EBF1: variants seen among roughly 807,000 people sequenced by gnomAD.
EBF1 encodes EBF transcription factor 1.
A neutral mutation model predicts 68.4 loss-of-function variants in EBF1; 10 were observed. The observed-to-expected ratio is 0.15, with a 90% CI of 0.09 to 0.25. EBF1 has a LOEUF of 0.25. EBF1 is among the 10% of genes least tolerant of loss of function. The pLI, the probability that EBF1 is intolerant of heterozygous loss-of-function variation, is 1.00. For missense variants in EBF1, 509 were observed against 794.4 expected (o/e 0.64, Z 4.32); for synonymous variants, 298 against 299.8 (o/e 0.99, Z 0.06).
chr5:158,767,472 G>T lies in EBF1; in HGVS notation c.1036+9941C>A, dbSNP rs951148913. ...AGTAGCATGCCAGGAGGCTTACTCA[G>T]TGCAGGCTCTGGTACCCTTCACCAG... On this transcript the variant is annotated intron_variant, in intron 10 of 15. Transcript: ENST00000313708. Among the ~76,000 whole-genome samples the T allele has an allele frequency of 2.6e-5, 4 of 152,136 alleles. No individual in the cohort carries two copies. In the East Asian group the frequency reaches 7.7e-4, roughly 29 times the overall value.
At chr5:159,097,873 C>G (rs1429979705) in intron 1 of EBF1, among the ~76,000 whole-genome samples, 2 of 152,230 alleles carry the variant, frequency 1.3e-5, no homozygotes, top group Non-Finnish European at 2.9e-5. Flanking sequence ...GAGGCTGGAG[C>G]GCCTGGGGCG....
Position 159,099,364 on chromosome 5 carries a change from C to G in EBF1, c.115G>C (p.Ala39Pro), listed in dbSNP as rs756741736. Residue 39 changes from alanine (A) to proline (P), a missense_variant, in exon 1 of 16, where the codon GCC becomes CCC. Ala to Pro is a conservative substitution (Grantham distance 27). This residue lies in a region of EBF1 where 74 missense variants were observed against 79.4 expected (regional missense o/e 0.93). Transcript: ENST00000313708. ...TWMQGAGVLDANTAAQSGVGL... is the reference protein window; with the variant it reads ...TWMQGAGVLDPNTAAQSGVGL... ...ACCCACCTCTGCGCCGCCGTGTTGG[C>G]GTCCAGCACCCCGGCGCCCTGCATC... 9 of 1,590,618 alleles carry G rather than the reference C, an allele frequency of 5.7e-6. No homozygotes were observed. Among genetic ancestry groups the G allele is most frequent in the Non-Finnish European group, 7.7e-6 (9 of 1,169,714 alleles).
At position 158,883,359 on chromosome 5, in the gene EBF1, T is replaced by TACAC. The variant is rs1185195484; in HGVS notation, c.555-43250_555-43249insGTGT. 4.8e-3 allele frequency among the ~76,000 whole-genome samples: 686 copies of TACAC among 142,982 alleles called. 5 individuals are homozygous for TACAC. Among genetic ancestry groups the TACAC allele is most frequent in the Middle Eastern group, 0.014 (4 of 288 alleles). 93.8% of individuals were successfully genotyped at this position (142,982 alleles called of 152,430 possible). On this transcript the variant is annotated intron_variant, in intron 6 of 15. Coordinates refer to ENST00000313708, the MANE Select transcript of EBF1 (RefSeq NM_024007.5). ...ACACATACATGCATGTATATATATA[T>TACAC]ATACACATACATACATGTATATATA... is the stretch of plus-strand genomic sequence containing the variant.
At chr5:158,933,940 C>T (rs1271272813) in intron 6 of EBF1, among the ~76,000 whole-genome samples, 2 of 152,228 alleles carry the variant, frequency 1.3e-5, no homozygotes, top group Non-Finnish European at 2.9e-5. Context: ...GCGTTGATGT[C>T]ACAATGCTTT....
At chr5:159,024,931 C>G (rs116796360) in intron 6 of EBF1, among the ~76,000 whole-genome samples, 1 of 152,180 alleles carries the variant, frequency 6.6e-6, no homozygotes, top group East Asian at 1.9e-4. Flanking sequence ...AACATAGGTG[C>G]GCAGAGCCAC....
intron 10 of EBF1, among the ~76,000 whole-genome samples, chr5:158,755,183 T>TC (rs56762787): frequency 0.14 from 21,937 of 152,044 alleles, 1,695 homozygotes; most frequent in Admixed American, 0.17. Flanking sequence ...TGTTTTTTTT[T>TC]CACATATAAA....
At chr5:159,072,491 G>A (rs897521253) in intron 6 of EBF1, among the ~76,000 whole-genome samples, 1 of 151,962 alleles carries the variant, frequency 6.6e-6, no homozygotes, top group East Asian at 1.9e-4. Flanking sequence ...TTCAACCATT[G>A]GTTTCCTCAA....
intron 6 of EBF1, among the ~76,000 whole-genome samples, chr5:159,059,762 G>A (rs914754401): frequency 1.3e-5 from 2 of 152,074 alleles, no homozygotes; most frequent in African/African-American, 4.8e-5. Context: ...TAACAAGGGG[G>A]GACCAGGCTG....
chr5:158,842,541 A>G (rs911470636), intron 6 of EBF1, among the ~76,000 whole-genome samples: 1 of 152,236 alleles, frequency 6.6e-6, no homozygotes, highest in Non-Finnish European at 1.5e-5. Context: ...TCTGACAGGT[A>G]CTACCTGTGT....
chr5:159,017,663 G>GT (rs1163560100), intron 6 of EBF1, among the ~76,000 whole-genome samples: 1 of 152,166 alleles, frequency 6.6e-6, no homozygotes, highest in African/African-American at 2.4e-5. Context: ...TTTCCTACCA[G>GT]TTACCATTTA....
At chr5:158,804,453 A>G (rs931390607) in intron 8 of EBF1, among the ~76,000 whole-genome samples, 3 of 152,138 alleles carry the variant, frequency 2.0e-5, no homozygotes, top group Non-Finnish European at 2.9e-5. Context: ...TGGTGCAACA[A>G]CTGTAATCCA....
intron 10 of EBF1, among the ~76,000 whole-genome samples, chr5:158,768,190 G>A (rs1044887176): frequency 6.6e-6 from 1 of 152,038 alleles, no homozygotes; most frequent in Non-Finnish European, 1.5e-5. Flanking sequence ...TATTGACCCT[G>A]TGCTGTGGGT....
chr5:158,923,698 C>T (rs62385381), intron 6 of EBF1, among the ~76,000 whole-genome samples: 3,312 of 152,216 alleles, frequency 0.022, 60 homozygotes, highest in Non-Finnish European at 0.03. Context: ...CTGGACAAGC[C>T]ACGCCTCTTC....
intron 8 of EBF1, among the ~76,000 whole-genome samples, chr5:158,814,404 G>A (rs773705754): frequency 2.0e-5 from 3 of 152,002 alleles, no homozygotes; most frequent in African/African-American, 7.2e-5. Context: ...TAAGTAGAAA[G>A]CAACAATCTT....
intron 6 of EBF1, among the ~76,000 whole-genome samples, chr5:158,905,219 G>C (rs1804317252): frequency 6.6e-6 from 1 of 152,120 alleles, no homozygotes; most frequent in South Asian, 2.1e-4. Context: ...CATAAACATT[G>C]CTGCCGTGTA....
intron 2 of EBF1, 28 bp downstream of exon 2, chr5:159,096,946 G>T (rs774194337): frequency 6.2e-7 from 1 of 1,610,450 alleles, no homozygotes; most frequent in South Asian, 1.1e-5. Flanking sequence ...AGCCGGGGAC[G>T]AGGGGCGACA....
At chr5:158,903,502 C>T (rs143037680) in intron 6 of EBF1, among the ~76,000 whole-genome samples, 1 of 152,106 alleles carries the variant, frequency 6.6e-6, no homozygotes, top group Non-Finnish European at 1.5e-5. Context: ...CCCTCATGCT[C>T]TGTCCTCCTG....
chr5:159,091,020 C>T (rs1781526399), intron 4 of EBF1, among the ~76,000 whole-genome samples: 1 of 152,150 alleles, frequency 6.6e-6, no homozygotes, highest in African/African-American at 2.4e-5. Context: ...TGCTCAACAA[C>T]TATGTAGACA....
intron 6 of EBF1, among the ~76,000 whole-genome samples, chr5:158,919,449 C>CAAAT (rs1464667203): frequency 2.0e-5 from 3 of 152,192 alleles, no homozygotes; most frequent in Non-Finnish European, 4.4e-5. Context: ...GGGATGTCAC[C>CAAAT]AAATAATGTG....
Sources: gnomAD v4.1 joint callset for allele counts (sites outside exome capture counted in the v4.1 genomes callset) on GRCh38, gnomAD v4.1.1 for gene constraint, gnomAD v4.1.1 regional missense constraint, MANE v1.5 for transcripts, NCBI Gene and HGNC (gene_info 2026-07-23, HGNC 2026-07-21) for gene names.